CHD5: variants seen among roughly 807,000 people sequenced by gnomAD.
The protein encoded by CHD5 is chromodomain helicase DNA binding protein 5.
In CHD5, 69 loss-of-function variants were observed where a neutral mutation model predicts 230.3. The ratio of observed to expected loss-of-function variants is 0.30; its 90% CI spans 0.25 to 0.37. The LOEUF is 0.37. Among genes scored for constraint, CHD5 ranks in the 10% least tolerant of loss-of-function variants. CHD5 has a pLI of 1.00. For synonymous variants in CHD5, 1,064 were observed against 1,065.9 expected, an observed-to-expected ratio of 1.00 and a Z score of 0.03; for missense variants, 1,827 against 2,622.8, an observed-to-expected ratio of 0.70 and a Z score of 6.63.
intron 2 of CHD5, among the ~76,000 whole-genome samples, chr1:6,165,151 C>A (rs146058237): frequency 6.6e-6 from 1 of 152,252 alleles, no homozygotes; most frequent in African/African-American, 2.4e-5. Flanking sequence ...GGAATGAGAG[C>A]GTCGGAGAAC....
rs998069108 is a variant in CHD5 at position 6,126,441 on chromosome 1, C to T, written c.4078+131G>A. 1.6e-5 allele frequency: 11 copies of T among 680,172 alleles called. No homozygotes were observed. The highest frequency in any genetic ancestry group is 7.0e-5 in the African/African-American group (4 of 56,774). The allele number at this position is 680,172 out of a possible 1,614,324, so 42.1% of individuals were successfully genotyped here. ...GCCTCTGGGTATGGGACACCCATCC[C>T]TCCTGGCACACTCGCCCAGCTCTCC... On this transcript the variant is annotated intron_variant, in intron 26 of 41. Transcript: ENST00000262450. The surrounding 1 kb of genome is among the most constrained non-coding windows in gnomAD (Gnocchi z 5.7).
intron 1 of CHD5, among the ~76,000 whole-genome samples, chr1:6,175,577 GATGA>G (rs1047743233): frequency 5.7e-4 from 86 of 151,738 alleles, no homozygotes; most frequent in Non-Finnish European, 4.6e-4. Context: ...TGGATGGACA[GATGA>G]ATGAATGGTG....
chr1:6,168,312 G>T, intron 1 of CHD5, 35 bp from the exon 2 acceptor site: 1 of 1,574,514 alleles, frequency 6.4e-7, no homozygotes, highest in South Asian at 1.1e-5. Flanking sequence ...AGTTACTCCT[G>T]AGCTTCCTCC....
At chr1:6,162,358 C>G (rs182205746) in intron 2 of CHD5, among the ~76,000 whole-genome samples, 142 of 151,692 alleles carry the variant, frequency 9.4e-4, no homozygotes, top group Non-Finnish European at 1.4e-3. Context: ...TGTACTCCAG[C>G]CTGGGTAATA....
intron 3 of CHD5, among the ~76,000 whole-genome samples, chr1:6,156,256 G>T (rs1667079517): frequency 6.6e-6 from 1 of 151,762 alleles, no homozygotes; most frequent in Non-Finnish European, 1.5e-5. Flanking sequence ...AGGCCTCCAG[G>T]CCAGGGGTGG....
In CHD5 at chr1:6,154,572, G is replaced by C; in HGVS notation, c.745+88C>G. On this transcript the variant is annotated intron_variant, in intron 5 of 41. Coordinates refer to ENST00000262450, the MANE Select transcript of CHD5 (RefSeq NM_015557.3). The surrounding 1 kb of genome is among the most constrained non-coding windows in gnomAD (Gnocchi z 7.0). The stretch of plus-strand genomic sequence containing the variant: ...AGGAGCACCCCAGCTGCCCCTCCCT[G>C]CCCGCGTCTGCCCCGTGGCTTCTCC... The C allele has an allele frequency of 8.1e-7, 1 of 1,231,536 alleles. No homozygotes were observed. The highest frequency in any genetic ancestry group is 1.7e-5 in the South Asian group (1 of 58,194). 76.3% of individuals were successfully genotyped at this position (1,231,536 alleles called of 1,614,324 possible).
intron 20 of CHD5, among the ~76,000 whole-genome samples, chr1:6,133,592 T>C (rs1200992419): frequency 3.3e-5 from 5 of 152,348 alleles, no homozygotes; most frequent in Middle Eastern, 3.4e-3. Flanking sequence ...TTGAGCTGTC[T>C]CCCACAGTAG....
chr1:6,122,027 C>T (rs543122531), intron 31 of CHD5, among the ~76,000 whole-genome samples: 9 of 152,216 alleles, frequency 5.9e-5, no homozygotes, highest in Middle Eastern at 3.4e-3. Context: ...TGAGAAGCCC[C>T]GGGAGGTGGG....
Position 6,154,386 on chromosome 1 carries a change from G to C in CHD5, c.745+274C>G, listed in dbSNP as rs1667049193. Among the ~76,000 whole-genome samples the C allele has an allele frequency of 6.6e-6, 1 of 152,142 alleles. No individual in the cohort carries two copies. Among genetic ancestry groups the C allele is most frequent in the South Asian group, 2.1e-4 (1 of 4,816 alleles). Reference sequence around the variant, plus strand: ...CAGGCCCACGTCGGGGGCACCTCCTGGCTGGCCAGGCTCAAACCTCCCAGA... The same window carrying C: ...CAGGCCCACGTCGGGGGCACCTCCTCGCTGGCCAGGCTCAAACCTCCCAGA... On this transcript the variant is annotated intron_variant, in intron 5 of 41. Coordinates refer to ENST00000262450, the MANE Select transcript of CHD5 (RefSeq NM_015557.3). The surrounding 1 kb of genome is among the most constrained non-coding windows in gnomAD (Gnocchi z 7.0).
chr1:6,146,995 G>C lies in CHD5; in HGVS notation c.1384-124C>G. The C allele has an allele frequency of 1.4e-6, 1 of 724,330 alleles. No individual in the cohort carries two copies. Among genetic ancestry groups the C allele is most frequent in the Non-Finnish European group, 2.2e-6 (1 of 458,202 alleles). 44.9% of individuals were successfully genotyped at this position (724,330 alleles called of 1,614,324 possible). Reference sequence around the variant, plus strand: ...GTGCCACTGCCCCCAAGTCAGAACAGTACCACGGTGACGCCATGACATCCA... The same window carrying C: ...GTGCCACTGCCCCCAAGTCAGAACACTACCACGGTGACGCCATGACATCCA... On this transcript the variant is annotated intron_variant, in intron 9 of 41. Coordinates refer to ENST00000262450, the MANE Select transcript of CHD5 (RefSeq NM_015557.3). The surrounding 1 kb of genome is among the most constrained non-coding windows in gnomAD (Gnocchi z 5.1).
intron 15 of CHD5, among the ~76,000 whole-genome samples, chr1:6,141,777 C>T (rs897239965): frequency 5.3e-5 from 8 of 152,160 alleles, no homozygotes; most frequent in Non-Finnish European, 7.3e-5. Flanking sequence ...AGCTGTAGGC[C>T]AGTGAACCCC....
rs756405473 is a variant in CHD5 at position 6,146,162 on chromosome 1, AC to A, written c.1802+49del. ...CCCATTTTACAGGGCAAAGAAGCTGACGTGGCCCGGCCCCAGCGATGGGCAG... is the reference window on the plus strand; with the variant it reads ...CCCATTTTACAGGGCAAAGAAGCTGAGTGGCCCGGCCCCAGCGATGGGCAG... On this transcript the variant is annotated intron_variant, in intron 11 of 41. Transcript: ENST00000262450. This position sits in a 1 kb window ranked among gnomAD's most constrained non-coding sequence, Gnocchi z 5.1. The A allele has an allele frequency of 1.3e-6, 2 of 1,581,210 alleles. No individual in the cohort carries two copies. The highest frequency in any genetic ancestry group is 2.2e-5 in the South Asian group (2 of 89,190).
rs370879151 is a variant in CHD5 at position 6,105,188 on chromosome 1, C to T, written c.*286G>A. ...ATAAATGAAATCTCTTCTAAGAAGTCGTCTGGAAAAGGTGGCGAGGGGGCA... is the reference window on the plus strand; with the variant it reads ...ATAAATGAAATCTCTTCTAAGAAGTTGTCTGGAAAAGGTGGCGAGGGGGCA... On this transcript the variant is annotated 3_prime_UTR_variant, in exon 42 of 42. Transcript: ENST00000262450. The surrounding 1 kb of genome is among the most constrained non-coding windows in gnomAD (Gnocchi z 4.8). 8.6e-6 allele frequency: 3 copies of T among 348,420 alleles called. No individual in the cohort carries two copies. The highest frequency in any genetic ancestry group is 4.1e-5 in the Admixed American group (1 of 24,158). 21.6% of individuals were successfully genotyped at this position (348,420 alleles called of 1,614,324 possible).
At chr1:6,144,199 A>G in intron 11 of CHD5, 44 bp from the exon 12 acceptor site, 2 of 1,611,614 alleles carry the variant, frequency 1.2e-6, no homozygotes, top group Non-Finnish European at 1.7e-6. Flanking sequence ...AGCAGTGGCC[A>G]CAGCACAGGT....
intron 1 of CHD5, among the ~76,000 whole-genome samples, chr1:6,174,623 A>C (rs1667391713): frequency 6.7e-6 from 1 of 149,482 alleles, no homozygotes; most frequent in Non-Finnish European, 1.5e-5. Context: ...TGGATGGTGG[A>C]TAGATGGTGA....
chr1:6,109,760 G>A (rs762787147), intron 38 of CHD5, 35 bp downstream of exon 38: 55 of 1,571,784 alleles, frequency 3.5e-5, no homozygotes, highest in Non-Finnish European at 4.6e-5. Context: ...GAGGAAGGGC[G>A]GGGGGCTGCA....
intron 18 of CHD5, 44 bp downstream of exon 18, chr1:6,135,186 G>A (rs775194052): frequency 6.2e-6 from 10 of 1,610,352 alleles, no homozygotes; most frequent in African/African-American, 2.7e-5. Context: ...CAGCCCAGGG[G>A]AAAGGGCGAG....
chr1:6,163,454 G>A (rs564973396), intron 2 of CHD5, among the ~76,000 whole-genome samples: 39 of 152,326 alleles, frequency 2.6e-4, no homozygotes, highest in African/African-American at 7.5e-4. Context: ...GGGGCTGGCC[G>A]AGGGTGGGGG....
Position 6,146,740 on chromosome 1 carries a change from G to A in CHD5, c.1515C>T (p.Gly505=). Reference sequence around the variant, plus strand: ...TGACAAAGAACTCTCTCTCAGGGATGCCCTCCAGGGGCTTAGGTGGAGGGA... The same window carrying A: ...TGACAAAGAACTCTCTCTCAGGGATACCCTCCAGGGGCTTAGGTGGAGGGA... ...PSLPPPKPLE[G]IPEREFFVKW... Residue 505 remains glycine (G), a synonymous_variant, in exon 10 of 42, where the codon GGC becomes GGT. Transcript: ENST00000262450. The surrounding 1 kb of genome is among the most constrained non-coding windows in gnomAD (Gnocchi z 5.1). 2 of 1,612,834 alleles carry A rather than the reference G, an allele frequency of 1.2e-6. No homozygotes were observed. Among genetic ancestry groups the A allele is most frequent in the Non-Finnish European group, 1.7e-6 (2 of 1,179,518 alleles).
Sources: gnomAD v4.1 joint callset for allele counts (sites outside exome capture counted in the v4.1 genomes callset) on GRCh38, gnomAD v4.1.1 for gene constraint, Gnocchi (gnomAD v3.1) non-coding constraint, MANE v1.5 for transcripts, NCBI Gene and HGNC (gene_info 2026-07-23, HGNC 2026-07-21) for gene names.